SNAP91: variants seen among roughly 807,000 people sequenced by gnomAD.
SNAP91 encodes the protein clathrin coat assembly protein AP180.
A neutral mutation model predicts 100.3 loss-of-function variants in SNAP91; 27 were observed. The ratio of observed to expected loss-of-function variants is 0.27; its 90% confidence interval spans 0.20 to 0.37. The LOEUF is 0.37. Among genes scored for constraint, SNAP91 ranks in the 10% least tolerant of loss-of-function variants. The pLI, the probability that SNAP91 is intolerant of heterozygous loss-of-function variation, is 1.00. For missense variants in SNAP91, 986 were observed against 1,123.7 expected, an observed-to-expected ratio of 0.88 and a Z score of 1.75; for synonymous variants, 404 against 398.6, an observed-to-expected ratio of 1.01 and a Z score of -0.16.
rs749346368 is a variant in SNAP91, at chr6:83,593,677, C to T, written c.1497G>A (p.Lys499=). ...AAPELDLFAM[K]PPETSVPVVT... ...CTACAGGAACACTGGTCTCAGGTGGCTTCATTGCAAAGAGGTCCAGCTCAG... is the reference window on the plus strand; with the variant it reads ...CTACAGGAACACTGGTCTCAGGTGGTTTCATTGCAAAGAGGTCCAGCTCAG... Residue 499 remains lysine, a synonymous_variant, in exon 18 of 30, where the codon AAG becomes AAA. Coordinates refer to ENST00000369694, the MANE Select transcript of SNAP91 (RefSeq NM_001242792.2). The T allele has an allele frequency of 6.2e-7, 1 of 1,611,092 alleles. No homozygotes were observed. Among genetic ancestry groups the T allele is most frequent in the Admixed American group, 1.7e-5 (1 of 59,994 alleles).
At chr6:83,559,745 G>A (rs992224237) in intron 28 of SNAP91, among the ~76,000 whole-genome samples, 6 of 152,190 alleles carry the variant, frequency 3.9e-5, no homozygotes. Flanking sequence ...TGGCAGTCTG[G>A]AGGACTGTGC....
intron 8 of SNAP91, among the ~76,000 whole-genome samples, chr6:83,637,982 C>CGGGGG (rs2097533560): frequency 6.6e-6 from 1 of 152,082 alleles, no homozygotes; most frequent in African/African-American, 2.4e-5. Flanking sequence ...TAGGGAAGCG[C>CGGGGG]GGGGGCTGCG....
intron 28 of SNAP91, among the ~76,000 whole-genome samples, chr6:83,557,647 C>T (rs113315319): frequency 0.014 from 2,081 of 152,148 alleles, 46 homozygotes; most frequent in African/African-American, 0.048. Context: ...GCACTTCAGC[C>T]TGGGCAACAG....
intron 8 of SNAP91, among the ~76,000 whole-genome samples, chr6:83,631,010 C>T (rs1255317692): frequency 6.6e-6 from 1 of 152,082 alleles, no homozygotes; most frequent in Non-Finnish European, 1.5e-5. Context: ...ACTGCCTTTA[C>T]TGTGTCCCAG....
intron 26 of SNAP91, among the ~76,000 whole-genome samples, chr6:83,570,548 C>CGGGGGGGGGGGGG (rs1805071633): frequency 1.3e-5 from 1 of 74,642 alleles, no homozygotes; most frequent in African/African-American, 7.9e-5. Flanking sequence ...TGGAGGTTTA[C>CGGGGGGGGGGGGG]GGGGTGGCGG....
intron 7 of SNAP91, among the ~76,000 whole-genome samples, chr6:83,646,310 AT>A (rs2128602094): frequency 6.6e-6 from 1 of 152,282 alleles, no homozygotes; most frequent in Non-Finnish European, 1.5e-5. Context: ...ATCCAAGGTC[AT>A]TTAGGTTTTC....
At chr6:83,694,715 A>C (rs1379861672) in intron 2 of SNAP91, among the ~76,000 whole-genome samples, 1 of 152,178 alleles carries the variant, frequency 6.6e-6, no homozygotes, top group Non-Finnish European at 1.5e-5. Flanking sequence ...AACAGAAACA[A>C]GCGAAACAGG....
At chr6:83,657,733 A>T (rs184394993) in intron 6 of SNAP91, among the ~76,000 whole-genome samples, 6 of 151,320 alleles carry the variant, frequency 4.0e-5, no homozygotes, top group African/African-American at 1.5e-4. Context: ...ATGTCTCTAC[A>T]TGTCAAAATA....
chr6:83,685,815 C>T (rs1305540592), intron 2 of SNAP91, among the ~76,000 whole-genome samples: 1 of 152,150 alleles, frequency 6.6e-6, no homozygotes, highest in Non-Finnish European at 1.5e-5. Context: ...TTTCAATAGC[C>T]AATCACCTAC....
intron 2 of SNAP91, among the ~76,000 whole-genome samples, chr6:83,694,761 G>T (rs2099173836): frequency 6.6e-6 from 1 of 152,134 alleles, no homozygotes; most frequent in African/African-American, 2.4e-5. Context: ...CACTAGAGAG[G>T]TCAAGCTTCA....
At chr6:83,664,153 C>T (rs2098627628) in intron 3 of SNAP91, among the ~76,000 whole-genome samples, 1 of 152,100 alleles carries the variant, frequency 6.6e-6, no homozygotes, top group Non-Finnish European at 1.5e-5. Context: ...ACCTTGTCAC[C>T]ATAAGAGCTC....
rs6941189 is a variant in SNAP91 at position 83,575,031 on chromosome 6, G to A, written c.2421C>T (p.Gly807=). ...PKVAPATWSA[G]VPPSAPLQGA... ...ATACCAAAGGTGCACTTGGTGGAAC[G>A]CCTGCTGACCAGGTTGCTGGAGCTA... The change falls in exon 26 of 30, where the codon GGC becomes GGT. Residue 807 remains glycine (G), a synonymous_variant. Transcript: ENST00000369694. 3.1e-5 allele frequency: 49 copies of A among 1,597,362 alleles called. No individual in the cohort carries two copies. The East Asian group carries it at 5.2e-4, about 17-fold the overall frequency.
chr6:83,584,579 CAGGCACTGTTCTA>C (rs1297474209), intron 22 of SNAP91, among the ~76,000 whole-genome samples: 1 of 152,100 alleles, frequency 6.6e-6, no homozygotes, highest in East Asian at 1.9e-4. Flanking sequence ...CACCAAGTGC[CAGGCACTGTTCTA>C]GGTTTCCTTT....
intron 22 of SNAP91, among the ~76,000 whole-genome samples, chr6:83,583,312 A>C (rs1020366777): frequency 6.6e-6 from 1 of 152,146 alleles, no homozygotes; most frequent in Non-Finnish European, 1.5e-5. Flanking sequence ...TGGCTTTTTG[A>C]GGCCAGGAAC....
At chr6:83,671,528 G>A (rs571025738) in intron 2 of SNAP91, among the ~76,000 whole-genome samples, 1 of 152,000 alleles carries the variant, frequency 6.6e-6, no homozygotes, top group African/African-American at 2.4e-5. Context: ...TTAGGCATGA[G>A]TGAAAATAAA....
At chr6:83,560,514 A>G (rs1785491934) in intron 27 of SNAP91, among the ~76,000 whole-genome samples, 1 of 152,200 alleles carries the variant, frequency 6.6e-6, no homozygotes, top group Admixed American at 6.5e-5. Context: ...TTTCTTTATG[A>G]AAGATGGTCC....
At chr6:83,571,562 G>A (rs556291353) in intron 26 of SNAP91, among the ~76,000 whole-genome samples, 33 of 152,226 alleles carry the variant, frequency 2.2e-4, no homozygotes, top group South Asian at 4.2e-4. Context: ...TTGGAATGGC[G>A]GTATTTACCC....
intron 29 of SNAP91, among the ~76,000 whole-genome samples, chr6:83,555,080 A>T (rs1166463927): frequency 6.6e-6 from 1 of 152,074 alleles, no homozygotes; most frequent in East Asian, 1.9e-4. Flanking sequence ...TTCCTTGGTC[A>T]CTCCTGAAAC....
chr6:83,690,086 T>C (rs1361258503), intron 2 of SNAP91: 1 of 179,916 alleles, frequency 5.6e-6, no homozygotes, highest in East Asian at 1.9e-4. Flanking sequence ...TTTTGTTGAA[T>C]ATAAAAATCC....
Sources: gnomAD v4.1 joint callset for allele counts (sites outside exome capture counted in the v4.1 genomes callset) on GRCh38, gnomAD v4.1.1 for gene constraint, MANE v1.5 for transcripts, NCBI Gene and HGNC (gene_info 2026-07-23, HGNC 2026-07-21) for gene names.